The following ATP6V1H variants were observed in gnomAD, a reference collection of about 807,000 sequenced individuals.
ATP6V1H encodes V-type proton ATPase subunit H.
In ATP6V1H, 39 loss-of-function variants were observed where a neutral mutation model predicts 71.7. That is an observed-to-expected ratio of 0.54 (90% CI 0.42 to 0.71). The LOEUF is 0.71. Ranked by LOEUF, ATP6V1H falls within the 30% of genes least tolerant of loss-of-function variation. The pLI, the probability that ATP6V1H is intolerant of heterozygous loss-of-function variation, is 0.00. For missense variants in ATP6V1H, 509 were observed against 594.9 expected (o/e 0.86, Z 1.50); for synonymous variants, 192 against 199.3 (o/e 0.96, Z 0.31).
intron 10 of ATP6V1H, among the ~76,000 whole-genome samples, chr8:53,771,595 TGAGCCAAAAG>T: frequency 6.6e-6 from 1 of 152,168 alleles, no homozygotes; most frequent in African/African-American, 2.4e-5. Context: ...TATTAAAACA[TGAGCCAAAAG>T]GCCTTCAAAA....
At chr8:53,723,197 G>T (rs1209630869) in intron 13 of ATP6V1H, among the ~76,000 whole-genome samples, 1 of 152,198 alleles carries the variant, frequency 6.6e-6, no homozygotes, top group South Asian at 2.1e-4. Context: ...ATTTGTGTGT[G>T]TGATTTTGTT....
chr8:53,824,547 T>G (rs1303455430), intron 4 of ATP6V1H, among the ~76,000 whole-genome samples: 1 of 152,140 alleles, frequency 6.6e-6, no homozygotes, highest in African/African-American at 2.4e-5. Flanking sequence ...TAACCTCGAA[T>G]GCAAGGTTGG....
intron 5 of ATP6V1H, 32 bp downstream of exon 5, chr8:53,817,385 T>A (rs540228337): frequency 8.7e-6 from 13 of 1,498,276 alleles, no homozygotes; most frequent in East Asian, 6.9e-5. Flanking sequence ...AAAAAAATTT[T>A]AAAAAAAGAA....
chr8:53,802,225 T>C (rs1052590478), intron 7 of ATP6V1H, among the ~76,000 whole-genome samples: 12 of 152,170 alleles, frequency 7.9e-5, no homozygotes, highest in African/African-American at 2.7e-4. Context: ...TGAATAAAGA[T>C]ACTATGTATA....
At chr8:53,792,636 AAG>A (rs1491438262) in intron 9 of ATP6V1H, among the ~76,000 whole-genome samples, 1 of 152,240 alleles carries the variant, frequency 6.6e-6, no homozygotes, top group Non-Finnish European at 1.5e-5. Context: ...CAGGGTGGTT[AAG>A]AGGACAGCTT....
At chr8:53,801,728 A>G (rs142484224) in intron 8 of ATP6V1H, 71 bp downstream of exon 8, 4 of 1,226,348 alleles carry the variant, frequency 3.3e-6, no homozygotes, top group African/African-American at 3.0e-5. Context: ...AGATGATTAC[A>G]TATTTCTTTG....
intron 12 of ATP6V1H, among the ~76,000 whole-genome samples, chr8:53,747,940 T>C (rs946578284): frequency 6.6e-6 from 1 of 150,850 alleles, no homozygotes; most frequent in Admixed American, 6.6e-5. Flanking sequence ...CCAAGGTGGG[T>C]GGATCACCTG....
chr8:53,786,261 C>G (rs903713649), intron 9 of ATP6V1H, among the ~76,000 whole-genome samples: 1 of 152,226 alleles, frequency 6.6e-6, no homozygotes, highest in East Asian at 1.9e-4. Context: ...CCCAGCCTCG[C>G]TGCCGCCTTG....
At chr8:53,829,181 G>A (rs1810914332) in intron 4 of ATP6V1H, among the ~76,000 whole-genome samples, 1 of 152,156 alleles carries the variant, frequency 6.6e-6, no homozygotes. Flanking sequence ...AGCTTTGCTG[G>A]CGTTCAACAA....
chr8:53,841,706 T>C lies in ATP6V1H; in HGVS notation c.-16A>G, dbSNP rs56706751. 2,807 of 1,610,822 alleles carry C rather than the reference T, an allele frequency of 1.7e-3. 30 individuals carry two copies. In the African/African-American group the frequency reaches 0.033, roughly 19 times the overall value. ...TTTTGGTCATCTAAACTTCGTAATCTTGAATGTCTTTCAACAAATCTTCAA... is the reference window on the plus strand; with the variant it reads ...TTTTGGTCATCTAAACTTCGTAATCCTGAATGTCTTTCAACAAATCTTCAA... On this transcript the variant is annotated 5_prime_UTR_variant, in exon 2 of 14. Coordinates refer to ENST00000359530, the MANE Select transcript of ATP6V1H (RefSeq NM_015941.4).
chr8:53,749,417 T>C (rs1412898795), intron 12 of ATP6V1H, among the ~76,000 whole-genome samples: 1 of 152,124 alleles, frequency 6.6e-6, no homozygotes, highest in Non-Finnish European at 1.5e-5. Context: ...CAAAATCAAG[T>C]AGTTCAGTGA....
chr8:53,777,971 T>C (rs73680305), intron 9 of ATP6V1H, among the ~76,000 whole-genome samples: 212 of 152,332 alleles, frequency 1.4e-3, no homozygotes, highest in African/African-American at 4.7e-3. Context: ...ACTTCCATAA[T>C]ATACATGAGA....
At chr8:53,792,519 T>C (rs1050983801) in intron 9 of ATP6V1H, among the ~76,000 whole-genome samples, 2 of 152,152 alleles carry the variant, frequency 1.3e-5, no homozygotes, top group African/African-American at 2.4e-5. Context: ...AGCAAAGAAA[T>C]CTTCCCCTGA....
At chr8:53,755,905 C>G (rs1585750800) in intron 12 of ATP6V1H, among the ~76,000 whole-genome samples, 1 of 121,818 alleles carries the variant, frequency 8.2e-6, no homozygotes, top group African/African-American at 3.1e-5. Context: ...CTACAGGCGC[C>G]CGCCACTACG....
intron 11 of ATP6V1H, among the ~76,000 whole-genome samples, chr8:53,764,640 C>G (rs1017235462): frequency 6.6e-6 from 1 of 152,158 alleles, no homozygotes; most frequent in Non-Finnish European, 1.5e-5. Flanking sequence ...GATGTACCCT[C>G]TCATCACTCT....
chr8:53,736,841 G>T (rs1443542480), intron 13 of ATP6V1H, among the ~76,000 whole-genome samples: 2 of 152,168 alleles, frequency 1.3e-5, no homozygotes, highest in Non-Finnish European at 2.9e-5. Context: ...AAAAGTTAAA[G>T]AAAGGCAAAA....
chr8:53,823,495 G>A (rs1810726611), intron 4 of ATP6V1H, among the ~76,000 whole-genome samples: 1 of 152,086 alleles, frequency 6.6e-6, no homozygotes, highest in African/African-American at 2.4e-5. Context: ...GGGGGGGCGG[G>A]GGAGATAGTT....
Position 53,829,619 on chromosome 8 carries a change from A to G in ATP6V1H, c.217-86T>C. On this transcript the variant is annotated intron_variant, in intron 3 of 13. Coordinates refer to ENST00000359530, the MANE Select transcript of ATP6V1H (RefSeq NM_015941.4). The stretch of plus-strand genomic sequence containing the variant: ...TTCAGTAAAACATTGTCTCTCTTTC[A>G]TAAATTAGGATACAAATATTACTAA... 1.8e-5 allele frequency: 14 copies of G among 771,628 alleles called. 2 individuals carry two copies. In the South Asian group the frequency reaches 2.4e-4, roughly 13 times the overall value. 47.8% of individuals were successfully genotyped at this position (771,628 alleles called of 1,614,324 possible).
chr8:53,801,588 A>G (rs1325458708), intron 8 of ATP6V1H, among the ~76,000 whole-genome samples: 1 of 152,204 alleles, frequency 6.6e-6, no homozygotes, highest in Non-Finnish European at 1.5e-5. Flanking sequence ...TAGGTTCTTA[A>G]GAGGCCTTAA....
Sources: gnomAD v4.1 joint callset for allele counts (sites outside exome capture counted in the v4.1 genomes callset) on GRCh38, gnomAD v4.1.1 for gene constraint, MANE v1.5 for transcripts, NCBI Gene and HGNC (gene_info 2026-07-23, HGNC 2026-07-21) for gene names.